Variants in FARS2 observed in about 807,000 individuals in gnomAD.
FARS2 encodes the protein phenylalanyl-tRNA synthetase 2, mitochondrial.
Under a neutral mutation model 46.4 loss-of-function variants are expected in FARS2, and 40 were observed. That is an observed-to-expected ratio of 0.86 (90% CI 0.67 to 1.12). The LOEUF (loss-of-function observed/expected upper bound fraction) is 1.12. FARS2 is among the 50% of genes most tolerant of loss of function. FARS2 has a pLI of 0.00. For synonymous variants in FARS2, 234 were observed against 214.9 expected, an observed-to-expected ratio of 1.09 and a Z score of -0.78; for missense variants, 513 against 567.9, an observed-to-expected ratio of 0.90 and a Z score of 0.98.
chr6:5,647,684 A>G (rs1340175686), intron 6 of FARS2, among the ~76,000 whole-genome samples: 2 of 152,266 alleles, frequency 1.3e-5, no homozygotes, highest in African/African-American at 2.4e-5. Context: ...TGAAATCAAC[A>G]GAGCAAAACA....
chr6:5,438,364 T>C (rs1763657100), intron 4 of FARS2, among the ~76,000 whole-genome samples: 1 of 150,940 alleles, frequency 6.6e-6, no homozygotes, highest in African/African-American at 2.4e-5. Flanking sequence ...CCTGAGACTC[T>C]GCTTACTTTT....
intron 2 of FARS2, among the ~76,000 whole-genome samples, chr6:5,393,159 A>G (rs58896310): frequency 0.039 from 5,898 of 151,974 alleles, 386 homozygotes; most frequent in African/African-American, 0.13. Flanking sequence ...TGATTGATCT[A>G]TTGAAACTAG....
intron 6 of FARS2, among the ~76,000 whole-genome samples, chr6:5,621,972 G>A (rs1282818449): frequency 6.6e-6 from 1 of 152,184 alleles, no homozygotes; most frequent in African/African-American, 2.4e-5. Flanking sequence ...TACATTACCT[G>A]CAGTCTTTTC....
intron 1 of FARS2, among the ~76,000 whole-genome samples, chr6:5,344,965 T>C (rs889946564): frequency 1.3e-5 from 2 of 152,018 alleles, no homozygotes; most frequent in African/African-American, 4.8e-5. Flanking sequence ...AATTTTTTTA[T>C]ATTTTTAGTA....
chr6:5,515,426 T>A (rs944419288), intron 4 of FARS2, among the ~76,000 whole-genome samples: 1 of 152,180 alleles, frequency 6.6e-6, no homozygotes, highest in South Asian at 2.1e-4. Context: ...TTTTTTATTT[T>A]TATTTTTATT....
intron 1 of FARS2, among the ~76,000 whole-genome samples, chr6:5,341,889 A>AAAT (rs1421839553): frequency 6.6e-6 from 1 of 152,244 alleles, no homozygotes; most frequent in Admixed American, 6.5e-5. Flanking sequence ...AAGGTAAAAA[A>AAAT]AATAATTTCC....
chr6:5,337,305 C>T (rs1333106399), intron 1 of FARS2, among the ~76,000 whole-genome samples: 2 of 151,858 alleles, frequency 1.3e-5, no homozygotes, highest in South Asian at 2.1e-4. Context: ...AAGAAAAATT[C>T]CTGGCTCCTG....
At chr6:5,467,645 T>C (rs1309663997) in intron 4 of FARS2, among the ~76,000 whole-genome samples, 1 of 152,192 alleles carries the variant, frequency 6.6e-6, no homozygotes, top group East Asian at 1.9e-4. Flanking sequence ...TAGCTTCCAC[T>C]CTCTTCTGTG....
chr6:5,707,633 A>G (rs1470542293), intron 6 of FARS2, among the ~76,000 whole-genome samples: 3 of 152,234 alleles, frequency 2.0e-5, no homozygotes, highest in South Asian at 2.1e-4. Flanking sequence ...TGAGTGGAGC[A>G]TGAATAATAC....
At chr6:5,631,030 G>GGAA (rs1776269124) in intron 6 of FARS2, among the ~76,000 whole-genome samples, 1 of 152,086 alleles carries the variant, frequency 6.6e-6, no homozygotes. Context: ...CCACTCCTTG[G>GGAA]GAAGCAAAGT....
At chr6:5,439,649 A>C (rs1763731784) in intron 4 of FARS2, among the ~76,000 whole-genome samples, 1 of 152,142 alleles carries the variant, frequency 6.6e-6, no homozygotes, top group Non-Finnish European at 1.5e-5. Context: ...TTGTGAATGC[A>C]CTCCAGGTGA....
At chr6:5,654,686 C>G (rs994685896) in intron 6 of FARS2, among the ~76,000 whole-genome samples, 1 of 152,152 alleles carries the variant, frequency 6.6e-6, no homozygotes, top group South Asian at 2.1e-4. Context: ...CCTGAGACCC[C>G]TCGGTGGGAG....
chr6:5,720,857 G>GGTA (rs1383664786), intron 6 of FARS2, among the ~76,000 whole-genome samples: 1 of 152,102 alleles, frequency 6.6e-6, no homozygotes, highest in Non-Finnish European at 1.5e-5. Flanking sequence ...GACCAGCCTG[G>GGTA]GTAACATAGC....
At chr6:5,335,401 T>C (rs145315720) in intron 1 of FARS2, among the ~76,000 whole-genome samples, 1 of 152,318 alleles carries the variant, frequency 6.6e-6, no homozygotes, top group East Asian at 1.9e-4. Context: ...TCTTCTTCAG[T>C]ATTGAAAGCT....
intron 4 of FARS2, among the ~76,000 whole-genome samples, chr6:5,527,896 GA>G (rs1370923985): frequency 6.6e-6 from 1 of 152,166 alleles, no homozygotes; most frequent in East Asian, 1.9e-4. Context: ...TGAGTTCCAG[GA>G]ACTTAGATTG....
chr6:5,349,106 C>T (rs1757415149), intron 1 of FARS2, among the ~76,000 whole-genome samples: 1 of 152,158 alleles, frequency 6.6e-6, no homozygotes, highest in Non-Finnish European at 1.5e-5. Flanking sequence ...ATAACACCCT[C>T]CTAAAACTAA....
chr6:5,503,862 A>G (rs1767950877), intron 4 of FARS2, among the ~76,000 whole-genome samples: 1 of 152,196 alleles, frequency 6.6e-6, no homozygotes, highest in Non-Finnish European at 1.5e-5. Flanking sequence ...TCAGCCTTTG[A>G]AAAACTTCTT....
chr6:5,519,353 G>T (rs1022850935), intron 4 of FARS2, among the ~76,000 whole-genome samples: 14 of 152,168 alleles, frequency 9.2e-5, no homozygotes, highest in Non-Finnish European at 1.9e-4. Context: ...ATATTTAGTT[G>T]CATTGAGGAG....
chr6:5,432,170 T>G (rs1267179544), intron 4 of FARS2, among the ~76,000 whole-genome samples: 2 of 148,706 alleles, frequency 1.3e-5, no homozygotes, highest in African/African-American at 4.9e-5. Context: ...ATACAAAAAT[T>G]AGCTGGGTGT....
Sources: allele counts gnomAD v4.1 joint callset (sites outside exome capture counted in the v4.1 genomes callset), GRCh38; gene constraint gnomAD v4.1.1; transcripts MANE v1.5; gene names NCBI Gene and HGNC (gene_info 2026-07-23, HGNC 2026-07-21).